Variants in KCNIP4 observed in about 807,000 individuals in gnomAD.
The protein encoded by KCNIP4 is Kv channel-interacting protein 4.
A neutral mutation model predicts 34.0 loss-of-function variants in KCNIP4; 12 were observed. That is an observed-to-expected ratio of 0.35 (90% CI 0.23 to 0.57). The LOEUF is 0.57. KCNIP4 is among the 20% of genes least tolerant of loss of function. The probability of loss-of-function intolerance (pLI) is 0.83; values close to 1 mark genes in which losing one functional copy is unlikely to be tolerated. For missense variants in KCNIP4, 238 were observed against 311.7 expected, an observed-to-expected ratio of 0.76 and a Z score of 1.78; for synonymous variants, 124 against 102.2, an observed-to-expected ratio of 1.21 and a Z score of -1.29.
intron 1 of KCNIP4, among the ~76,000 whole-genome samples, chr4:20,999,445 T>TG (rs1737894302): frequency 8.4e-6 from 1 of 119,416 alleles, no homozygotes; most frequent in Non-Finnish European, 1.7e-5. Flanking sequence ...TTTGTTTTTT[T>TG]TTTTTTTTTT....
chr4:21,247,913 A>ACACACACATAT (rs1417961002), intron 1 of KCNIP4, among the ~76,000 whole-genome samples: 11 of 134,788 alleles, frequency 8.2e-5, no homozygotes, highest in African/African-American at 3.2e-4. Context: ...ATATATACAC[A>ACACACACATAT]CACACACATA....
At chr4:21,452,563 A>G (rs62295495) in intron 1 of KCNIP4, among the ~76,000 whole-genome samples, 12,530 of 152,140 alleles carry the variant, frequency 0.082, 621 homozygotes, top group East Asian at 0.15. Context: ...TAACTGAAGA[A>G]GTAAAGCACT....
chr4:20,998,056 C>T (rs1737729436), intron 1 of KCNIP4, among the ~76,000 whole-genome samples: 1 of 152,078 alleles, frequency 6.6e-6, no homozygotes. Flanking sequence ...AGAAGATAAT[C>T]TGGGATTCAT....
chr4:21,638,039 A>G (rs1055816848), intron 1 of KCNIP4, among the ~76,000 whole-genome samples: 1 of 152,160 alleles, frequency 6.6e-6, no homozygotes, highest in Non-Finnish European at 1.5e-5. Context: ...CCTCTCATCC[A>G]ATTCCTAAAA....
chr4:21,541,500 C>T (rs957088163), intron 1 of KCNIP4, among the ~76,000 whole-genome samples: 9 of 152,104 alleles, frequency 5.9e-5, no homozygotes, highest in Admixed American at 5.9e-4. Context: ...CTTTAAGGAA[C>T]GCTGTGCCAC....
At chr4:21,897,575 T>C (rs1408199185) in intron 1 of KCNIP4, among the ~76,000 whole-genome samples, 1 of 152,188 alleles carries the variant, frequency 6.6e-6, no homozygotes, top group Non-Finnish European at 1.5e-5. Context: ...AAAAGATATA[T>C]TTAGAGTTTG....
intron 1 of KCNIP4, among the ~76,000 whole-genome samples, chr4:21,133,739 TGTG>T (rs1751280790): frequency 6.6e-6 from 1 of 152,226 alleles, no homozygotes; most frequent in South Asian, 2.1e-4. Context: ...TTTCTTGTTA[TGTG>T]ATCTCAGTGA....
intron 1 of KCNIP4, among the ~76,000 whole-genome samples, chr4:21,597,088 GGTTTGGCTGT>G (rs1742707752): frequency 6.6e-6 from 1 of 152,038 alleles, no homozygotes; most frequent in African/African-American, 2.4e-5. Context: ...TCATTGATAT[GGTTTGGCTGT>G]GTCCCCACTC....
intron 1 of KCNIP4, among the ~76,000 whole-genome samples, chr4:21,093,581 T>C (rs1747187043): frequency 6.6e-6 from 1 of 152,178 alleles, no homozygotes; most frequent in South Asian, 2.1e-4. Flanking sequence ...AACTCAGTTA[T>C]TTGGCCAAGC....
chr4:20,955,819 G>A (rs1276356234), intron 1 of KCNIP4, among the ~76,000 whole-genome samples: 1 of 152,090 alleles, frequency 6.6e-6, no homozygotes, highest in Non-Finnish European at 1.5e-5. Flanking sequence ...TCTATGGGAT[G>A]GCATTCAGTT....
At chr4:20,774,849 TG>T (rs1410265401) in intron 3 of KCNIP4, among the ~76,000 whole-genome samples, 1 of 152,278 alleles carries the variant, frequency 6.6e-6, no homozygotes, top group East Asian at 1.9e-4. Context: ...TTGGTTAATT[TG>T]GGGCCTGCTA....
In KCNIP4 at chr4:21,543,795, C is replaced by T. The variant is rs193106014; in HGVS notation, c.61+404776G>A. On this transcript the variant is annotated intron_variant, in intron 1 of 8. Coordinates refer to ENST00000382152, the MANE Select transcript of KCNIP4 (RefSeq NM_025221.6). The stretch of plus-strand genomic sequence containing the variant: ...ACTAAAGGGTGCCAGGGAAGAAGAC[C>T]TTTTTCCTTTTAAGTGTTGATTTTC... Among the ~76,000 whole-genome samples the T allele has an allele frequency of 6.0e-4, 91 of 152,190 alleles. No homozygotes were observed. The East Asian group carries it at 0.016, about 27-fold the overall frequency.
chr4:21,598,597 A>G (rs564949263), intron 1 of KCNIP4, among the ~76,000 whole-genome samples: 92 of 152,230 alleles, frequency 6.0e-4, no homozygotes, highest in Non-Finnish European at 8.4e-4. Flanking sequence ...AAGTCAACTC[A>G]TTAATCCCTC....
chr4:21,681,273 A>ATT (rs778538252), intron 1 of KCNIP4, among the ~76,000 whole-genome samples: 54 of 141,926 alleles, frequency 3.8e-4, no homozygotes, highest in African/African-American at 1.1e-3. Context: ...GCTAATTTTA[A>ATT]TTTTTTTTTT....
chr4:21,371,155 T>A (rs1385602622), intron 1 of KCNIP4, among the ~76,000 whole-genome samples: 4 of 144,318 alleles, frequency 2.8e-5, no homozygotes, highest in Non-Finnish European at 5.9e-5. Flanking sequence ...CAGGCATAGA[T>A]GTTTGGACTT....
chr4:21,360,910 T>A (rs1388077285), intron 1 of KCNIP4, among the ~76,000 whole-genome samples: 1 of 151,978 alleles, frequency 6.6e-6, no homozygotes, highest in African/African-American at 2.4e-5. Flanking sequence ...TTTGCAAGTT[T>A]CAAGTCCACA....
chr4:21,094,002 A>G (rs1342676416), intron 1 of KCNIP4, among the ~76,000 whole-genome samples: 1 of 152,146 alleles, frequency 6.6e-6, no homozygotes, highest in Non-Finnish European at 1.5e-5. Context: ...GAATGGGGTG[A>G]ACCCGGGAGG....
chr4:21,926,029 G>T (rs1729227266), intron 1 of KCNIP4, among the ~76,000 whole-genome samples: 1 of 152,128 alleles, frequency 6.6e-6, no homozygotes, highest in African/African-American at 2.4e-5. Flanking sequence ...AGAACAAAAT[G>T]ATATATATTC....
intron 1 of KCNIP4, among the ~76,000 whole-genome samples, chr4:21,543,441 C>T (rs1264251395): frequency 6.6e-6 from 1 of 151,706 alleles, no homozygotes; most frequent in Admixed American, 6.6e-5. Context: ...TAAGAGAATC[C>T]TAAAACTGTG....
Sources: allele counts gnomAD v4.1 joint callset (sites outside exome capture counted in the v4.1 genomes callset), GRCh38; gene constraint gnomAD v4.1.1; transcripts MANE v1.5; gene names NCBI Gene and HGNC (gene_info 2026-07-23, HGNC 2026-07-21).